TOX: variants seen among roughly 807,000 people sequenced by gnomAD.
The protein encoded by TOX is thymocyte selection associated high mobility group box.
In TOX, 11 loss-of-function variants were observed where a neutral mutation model predicts 53.7. The ratio of observed to expected loss-of-function variants is 0.20; its 90% CI spans 0.13 to 0.34. The LOEUF (loss-of-function observed/expected upper bound fraction) is 0.34, where lower values mean the gene tolerates loss of function less well. Among genes scored for constraint, TOX ranks in the 10% least tolerant of loss-of-function variants. The probability of loss-of-function intolerance (pLI) is 1.00; values close to 1 mark genes in which losing one functional copy is unlikely to be tolerated. For missense variants in TOX, 570 were observed against 664.6 expected (o/e 0.86, Z 1.56); for synonymous variants, 225 against 245.3 (o/e 0.92, Z 0.77).
chr8:58,808,372 T>C, intron 7 of TOX, 103 bp from the exon 8 acceptor site: 1 of 1,419,134 alleles, frequency 7.0e-7, no homozygotes, highest in South Asian at 1.6e-5. Context: ...GGCCTCTTGC[T>C]TCTGTCTCTG....
At chr8:58,844,275 T>C (rs1810687390) in intron 4 of TOX, among the ~76,000 whole-genome samples, 1 of 152,144 alleles carries the variant, frequency 6.6e-6, no homozygotes, top group Non-Finnish European at 1.5e-5. Context: ...AACTGAGCAA[T>C]TGAATTTCTA....
chr8:59,047,249 C>T (rs1377694385), intron 1 of TOX, among the ~76,000 whole-genome samples: 16 of 116,242 alleles, frequency 1.4e-4, no homozygotes, highest in East Asian at 5.9e-4. Context: ...CGGAGTCTCG[C>T]TCTGTCGCCC....
chr8:58,828,596 TTCACAC>T (rs1441435937), intron 5 of TOX, among the ~76,000 whole-genome samples: 1 of 152,258 alleles, frequency 6.6e-6, no homozygotes, highest in East Asian at 1.9e-4. Context: ...TTTTTGGAAA[TTCACAC>T]GTGAAAACAA....
chr8:58,815,094 C>A (rs188116459), intron 7 of TOX, among the ~76,000 whole-genome samples: 2 of 152,116 alleles, frequency 1.3e-5, no homozygotes, highest in African/African-American at 2.4e-5. Context: ...GGAAAGAAAC[C>A]AGTGATTATG....
chr8:58,999,345 T>C (rs1431652906), intron 1 of TOX, among the ~76,000 whole-genome samples: 2 of 151,494 alleles, frequency 1.3e-5, no homozygotes, highest in African/African-American at 2.4e-5. Flanking sequence ...AACCAATAAA[T>C]TAAAGCACTA....
intron 1 of TOX, among the ~76,000 whole-genome samples, chr8:59,016,668 T>C (rs1215143369): frequency 6.6e-6 from 1 of 152,236 alleles, no homozygotes; most frequent in Non-Finnish European, 1.5e-5. Flanking sequence ...TTTCTGCATT[T>C]GATCAAAATC....
chr8:58,910,375 T>C (rs1026973870), intron 3 of TOX, among the ~76,000 whole-genome samples: 1 of 152,100 alleles, frequency 6.6e-6, no homozygotes, highest in Non-Finnish European at 1.5e-5. Context: ...TTTTTGAAAT[T>C]AGAATGTAAA....
intron 1 of TOX, among the ~76,000 whole-genome samples, chr8:58,965,894 G>GTTGT (rs1812887356): frequency 2.0e-5 from 1 of 49,616 alleles, no homozygotes; most frequent in Non-Finnish European, 3.7e-5. Flanking sequence ...ACGAGTCATC[G>GTTGT]TTTTTTTTTT....
At chr8:59,107,182 T>C (rs1241968019) in intron 1 of TOX, among the ~76,000 whole-genome samples, 1 of 152,120 alleles carries the variant, frequency 6.6e-6, no homozygotes, top group Non-Finnish European at 1.5e-5. Context: ...GGTAAGTGAC[T>C]TTTTTAATCA....
intron 1 of TOX, among the ~76,000 whole-genome samples, chr8:59,035,531 C>T (rs371890960): frequency 3.6e-4 from 55 of 152,262 alleles, no homozygotes; most frequent in African/African-American, 1.1e-3. Context: ...CATCGACGCC[C>T]GACACCAATT....
At chr8:58,995,006 C>T (rs1050108852) in intron 1 of TOX, among the ~76,000 whole-genome samples, 11 of 152,190 alleles carry the variant, frequency 7.2e-5, no homozygotes, top group Admixed American at 6.5e-5. Context: ...AAAGTGTTCA[C>T]GCAGCAGTCT....
intron 1 of TOX, among the ~76,000 whole-genome samples, chr8:59,012,059 T>A (rs1189418724): frequency 1.3e-5 from 2 of 152,148 alleles, no homozygotes; most frequent in African/African-American, 2.4e-5. Context: ...AGGCATTGCA[T>A]CCTCCTTCTC....
intron 3 of TOX, among the ~76,000 whole-genome samples, chr8:58,905,712 G>A (rs994222539): frequency 6.6e-6 from 1 of 152,200 alleles, no homozygotes; most frequent in Non-Finnish European, 1.5e-5. Context: ...AGTTCACAAC[G>A]TGCGCCATGC....
At chr8:58,934,356 T>C (rs765774392) in intron 3 of TOX, among the ~76,000 whole-genome samples, 55 of 152,224 alleles carry the variant, frequency 3.6e-4, no homozygotes, top group Non-Finnish European at 6.2e-4. Flanking sequence ...CACCCCAATA[T>C]GTCTATGATA....
intron 1 of TOX, among the ~76,000 whole-genome samples, chr8:59,071,411 C>T (rs1327441458): frequency 6.6e-6 from 1 of 152,172 alleles, no homozygotes. Context: ...GACACTAGTC[C>T]TCCAAAACAA....
chr8:58,853,204 C>G (rs1014639893), intron 3 of TOX, among the ~76,000 whole-genome samples: 2 of 152,148 alleles, frequency 1.3e-5, no homozygotes, highest in African/African-American at 4.8e-5. Flanking sequence ...TCAGTCTTCA[C>G]GCACAGTTCA....
At chr8:58,941,477 G>T (rs1812439084) in intron 2 of TOX, among the ~76,000 whole-genome samples, 1 of 152,136 alleles carries the variant, frequency 6.6e-6, no homozygotes, top group Non-Finnish European at 1.5e-5. Flanking sequence ...TATCATAAAA[G>T]ATGGCATTTT....
At chr8:59,092,238 C>A (rs896597130) in intron 1 of TOX, among the ~76,000 whole-genome samples, 12 of 104,458 alleles carry the variant, frequency 1.1e-4, no homozygotes, top group African/African-American at 6.8e-4. Context: ...GGCGAAAGAG[C>A]AAGACTCCAT....
At chr8:59,056,513 T>C (rs1803891818) in intron 1 of TOX, among the ~76,000 whole-genome samples, 1 of 148,522 alleles carries the variant, frequency 6.7e-6, no homozygotes, top group Non-Finnish European at 1.5e-5. Context: ...GTGAAAATGG[T>C]AAGATGACCC....
Sources: allele counts gnomAD v4.1 joint callset (sites outside exome capture counted in the v4.1 genomes callset), GRCh38; gene constraint gnomAD v4.1.1; transcripts MANE v1.5; gene names NCBI Gene and HGNC (gene_info 2026-07-23, HGNC 2026-07-21).